SAMD4A: variants seen among roughly 807,000 people sequenced by gnomAD.
SAMD4A encodes the protein protein Smaug homolog 1.
A neutral mutation model predicts 81.3 loss-of-function variants in SAMD4A; 33 were observed. The ratio of observed to expected loss-of-function variants is 0.41; its 90% confidence interval spans 0.31 to 0.54. The LOEUF is 0.54. SAMD4A is among the 20% of genes least tolerant of loss of function. The pLI, the probability that SAMD4A is intolerant of heterozygous loss-of-function variation, is 0.37. For missense variants in SAMD4A, 854 were observed against 951.1 expected (o/e 0.90, Z 1.34); for synonymous variants, 389 against 382.1 (o/e 1.02, Z -0.21).
rs1270556831 is a variant in SAMD4A, at chr14:54,788,929, G to A, written c.2142G>A (p.Arg714=). The A allele has an allele frequency of 2.5e-6, 4 of 1,614,224 alleles. No individual in the cohort carries two copies. The highest frequency in any genetic ancestry group is 3.4e-6 in the Non-Finnish European group (4 of 1,180,044). ...TEHALGDGVD[R]TSTI ...TTTCTCTCCCAGACGGGGTTGACCG[G>A]ACCTCCACCATCTAGAAGCTGAAGA... The change falls in exon 13 of 13, where the codon CGG becomes CGA. Residue 714 remains arginine (R), a synonymous_variant. Transcript: ENST00000554335.
intron 3 of SAMD4A, among the ~76,000 whole-genome samples, chr14:54,719,782 A>G (rs1367671686): frequency 6.6e-6 from 1 of 152,166 alleles, no homozygotes; most frequent in Non-Finnish European, 1.5e-5. Flanking sequence ...AAGGAGTACT[A>G]AGTGCCACCC....
At chr14:54,639,973 G>A (rs369848180) in intron 2 of SAMD4A, among the ~76,000 whole-genome samples, 1 of 151,976 alleles carries the variant, frequency 6.6e-6, no homozygotes, top group Admixed American at 6.5e-5. Flanking sequence ...GGCTATGTCT[G>A]GCCAAAATGT....
At chr14:54,622,482 T>G (rs1402507483) in intron 2 of SAMD4A, among the ~76,000 whole-genome samples, 2 of 152,242 alleles carry the variant, frequency 1.3e-5, no homozygotes, top group African/African-American at 4.8e-5. Context: ...AATGTGAACA[T>G]TTAAAATATG....
At chr14:54,703,876 AAAAG>A (rs2036784999) in intron 3 of SAMD4A, 1 of 152,172 alleles carries the variant, frequency 6.6e-6, no homozygotes, top group African/African-American at 2.4e-5. Context: ...AGAGAAAAAA[AAAAG>A]AAAAAGAATT....
chr14:54,727,203 T>C (rs2037444320), intron 3 of SAMD4A, among the ~76,000 whole-genome samples: 1 of 113,686 alleles, frequency 8.8e-6, no homozygotes, highest in Non-Finnish European at 1.8e-5. Flanking sequence ...TTTTTTTTTT[T>C]TTTTGAGGTG....
intron 3 of SAMD4A, among the ~76,000 whole-genome samples, chr14:54,720,010 A>C (rs1202476531): frequency 6.6e-6 from 1 of 152,280 alleles, no homozygotes; most frequent in African/African-American, 2.4e-5. Flanking sequence ...CAGATTAGAT[A>C]ATAGCTCCTC....
intron 8 of SAMD4A, among the ~76,000 whole-genome samples, chr14:54,769,339 C>A (rs752160029): frequency 3.9e-5 from 6 of 152,166 alleles, no homozygotes; most frequent in Non-Finnish European, 8.8e-5. Flanking sequence ...TATCATGAAT[C>A]TGAGAGTTCC....
At chr14:54,654,114 T>C (rs575710812) in intron 2 of SAMD4A, among the ~76,000 whole-genome samples, 43 of 152,324 alleles carry the variant, frequency 2.8e-4, no homozygotes, top group Non-Finnish European at 1.2e-4. Flanking sequence ...TCCAAGTCGT[T>C]TCAGTTGACG....
At chr14:54,665,440 A>C (rs757200376) in intron 2 of SAMD4A, among the ~76,000 whole-genome samples, 2 of 152,238 alleles carry the variant, frequency 1.3e-5, no homozygotes, top group Non-Finnish European at 2.9e-5. Flanking sequence ...GTTTTATTCT[A>C]GAGCATAAAC....
rs572176919 is a variant in SAMD4A at position 54,637,485 on chromosome 14, G to A, written c.197-64577G>A. 3.3e-5 allele frequency among the ~76,000 whole-genome samples: 5 copies of A among 152,172 alleles called. No homozygotes were observed. In the East Asian group the frequency reaches 9.7e-4, roughly 29 times the overall value. ...GAGAGGGTGGAGCTCTAGAAGCCAG[G>A]TGAAGAAGGAGTGTTAAGAAGGAGA... On this transcript the variant is annotated intron_variant, in intron 2 of 12. Transcript: ENST00000554335.
At chr14:54,656,225 T>C (rs1476997323) in intron 2 of SAMD4A, among the ~76,000 whole-genome samples, 7 of 152,212 alleles carry the variant, frequency 4.6e-5, no homozygotes, top group Non-Finnish European at 8.8e-5. Flanking sequence ...TATTCTTCAT[T>C]GTTTCAGTGG....
intron 2 of SAMD4A, among the ~76,000 whole-genome samples, chr14:54,665,046 T>C (rs192552132): frequency 3.6e-4 from 55 of 152,302 alleles, no homozygotes; most frequent in African/African-American, 1.3e-3. Flanking sequence ...CCTTCCTCTG[T>C]CTCTGTGTCG....
chr14:54,575,626 C>T (rs1419662442), intron 2 of SAMD4A, among the ~76,000 whole-genome samples: 1 of 152,160 alleles, frequency 6.6e-6, no homozygotes, highest in African/African-American at 2.4e-5. Flanking sequence ...TTTGAGGTCA[C>T]TTTGCCCTGG....
At position 54,784,212 on chromosome 14, in the gene SAMD4A, A is replaced by T; in HGVS notation, c.2045-325A>T. On this transcript the variant is annotated intron_variant, in intron 11 of 12. Transcript: ENST00000554335. Reference sequence around the variant, plus strand: ...TACAGAGATAACAAGGGCCTGGATCATGCGGGGCCTTATGGGCCAGGGCAG... The same window carrying T: ...TACAGAGATAACAAGGGCCTGGATCTTGCGGGGCCTTATGGGCCAGGGCAG... 3 of 698,900 alleles carry T rather than the reference A, an allele frequency of 4.3e-6. No individual in the cohort carries two copies. The Admixed American group carries it at 6.5e-5, about 15-fold the overall frequency. 43.3% of individuals were successfully genotyped at this position (698,900 alleles called of 1,614,324 possible). A position where few individuals can be genotyped will look rare whatever the true frequency, so the allele number is the denominator to read the frequency against.
At chr14:54,701,969 G>T in intron 2 of SAMD4A, 93 bp from the exon 3 acceptor site, 2 of 1,345,602 alleles carry the variant, frequency 1.5e-6, no homozygotes, top group Non-Finnish European at 1.0e-6. Flanking sequence ...TATGTAGATT[G>T]GGACCCTAAT....
chr14:54,571,505 A>G (rs2033127661), intron 2 of SAMD4A, among the ~76,000 whole-genome samples: 1 of 152,190 alleles, frequency 6.6e-6, no homozygotes, highest in South Asian at 2.1e-4. Flanking sequence ...ACTTTGTGGC[A>G]TTGTTTATTT....
intron 11 of SAMD4A, among the ~76,000 whole-genome samples, chr14:54,779,857 G>A (rs758227241): frequency 2.6e-5 from 4 of 152,118 alleles, no homozygotes; most frequent in Admixed American, 1.3e-4. Flanking sequence ...GAAACACTAC[G>A]AGGTGTAATA....
In SAMD4A at chr14:54,629,150, C is replaced by A. The variant is rs367771792; in HGVS notation, c.196+61038C>A. Among the ~76,000 whole-genome samples, 8 of 152,142 alleles carry A rather than the reference C, an allele frequency of 5.3e-5. No homozygotes were observed. The South Asian group carries it at 1.7e-3, about 32-fold the overall frequency. ...TGAAGAGAGACACACAGGAAGAGCA[C>A]CAGGTATTAATAATCACAGAGGCAG... On this transcript the variant is annotated intron_variant, in intron 2 of 12. Coordinates refer to ENST00000554335, the MANE Select transcript of SAMD4A (RefSeq NM_015589.6).
At chr14:54,615,676 T>A (rs1387496232) in intron 2 of SAMD4A, among the ~76,000 whole-genome samples, 1 of 152,220 alleles carries the variant, frequency 6.6e-6, no homozygotes, top group African/African-American at 2.4e-5. Context: ...GTTGTTGTGT[T>A]TATTCTTTTT....
Sources: allele counts gnomAD v4.1 joint callset (sites outside exome capture counted in the v4.1 genomes callset), GRCh38; gene constraint gnomAD v4.1.1; transcripts MANE v1.5; gene names NCBI Gene and HGNC (gene_info 2026-07-23, HGNC 2026-07-21).